EBF2: variants seen among roughly 807,000 people sequenced by gnomAD.
The protein encoded by EBF2 is transcription factor COE2.
Under a neutral mutation model 72.8 loss-of-function variants are expected in EBF2, and 21 were observed. The observed-to-expected ratio is 0.29, with a 90% CI of 0.20 to 0.42. The LOEUF (loss-of-function observed/expected upper bound fraction) is 0.42, where lower values mean the gene tolerates loss of function less well. Ranked by LOEUF, EBF2 falls within the 10% of genes least tolerant of loss-of-function variation. The probability of loss-of-function intolerance (pLI) is 1.00; values close to 1 mark genes in which losing one functional copy is unlikely to be tolerated. For missense variants in EBF2, 637 were observed against 731.2 expected (o/e 0.87, Z 1.49); for synonymous variants, 299 against 274.2 (o/e 1.09, Z -0.89).
intron 7 of EBF2, among the ~76,000 whole-genome samples, chr8:25,899,774 A>G (rs901063379): frequency 6.6e-6 from 1 of 152,126 alleles, no homozygotes; most frequent in African/African-American, 2.4e-5. Context: ...TGTCAGAGCC[A>G]TTCATTTGCC....
intron 10 of EBF2, among the ~76,000 whole-genome samples, chr8:25,868,910 T>G (rs1802382183): frequency 6.6e-6 from 1 of 152,188 alleles, no homozygotes; most frequent in South Asian, 2.1e-4. Flanking sequence ...CACCTCTTTC[T>G]CTCCACTTAT....
At chr8:25,946,046 T>A (rs1199074090) in intron 6 of EBF2, among the ~76,000 whole-genome samples, 1 of 152,188 alleles carries the variant, frequency 6.6e-6, no homozygotes, top group East Asian at 1.9e-4. Flanking sequence ...TACAGCCACT[T>A]CTCTCACTGC....
chr8:25,857,083 G>T (rs1210198470), intron 14 of EBF2, among the ~76,000 whole-genome samples: 1 of 151,934 alleles, frequency 6.6e-6, no homozygotes, highest in African/African-American at 2.4e-5. Context: ...ACCTACTATG[G>T]GGTAGAAACA....
At chr8:25,905,168 G>A (rs543446220) in intron 7 of EBF2, among the ~76,000 whole-genome samples, 1 of 152,220 alleles carries the variant, frequency 6.6e-6, no homozygotes, top group South Asian at 2.1e-4. Flanking sequence ...CCCATAGGAT[G>A]ACTAGAATTT....
chr8:25,969,952 C>A (rs1324335549), intron 6 of EBF2, among the ~76,000 whole-genome samples: 1 of 152,158 alleles, frequency 6.6e-6, no homozygotes, highest in Non-Finnish European at 1.5e-5. Context: ...TGATGCATGG[C>A]AAATGTTAGC....
Position 26,023,424 on chromosome 8 carries a change from G to A in EBF2, c.551+9661C>T, listed in dbSNP as rs148636194. On this transcript the variant is annotated intron_variant, in intron 6 of 15. Coordinates refer to ENST00000520164, the MANE Select transcript of EBF2 (RefSeq NM_022659.4). ...ACACAATTTCATAAGGAAGAAGCTG[G>A]AAGTTGAAGCATGGCATCATCTGTT... 2.0e-5 allele frequency among the ~76,000 whole-genome samples: 3 copies of A among 152,260 alleles called. No homozygotes were observed. In the East Asian group the frequency reaches 5.8e-4, roughly 29 times the overall value.
intron 6 of EBF2, among the ~76,000 whole-genome samples, chr8:25,984,887 AT>A (rs1804422361): frequency 2.0e-5 from 3 of 151,272 alleles, no homozygotes; most frequent in Admixed American, 2.0e-4. Context: ...AAAGATTTTT[AT>A]CCACCCACCT....
intron 6 of EBF2, among the ~76,000 whole-genome samples, chr8:25,951,029 C>T (rs531226137): frequency 6.6e-6 from 1 of 152,156 alleles, no homozygotes; most frequent in Non-Finnish European, 1.5e-5. Context: ...CTCTGTATAG[C>T]TTTCTCCCCA....
chr8:25,922,020 G>T (rs1028190157), intron 6 of EBF2, among the ~76,000 whole-genome samples: 1 of 152,132 alleles, frequency 6.6e-6, no homozygotes, highest in Non-Finnish European at 1.5e-5. Context: ...CAAAAATGGA[G>T]GCTAGGCATG....
Position 26,004,753 on chromosome 8 carries a change from C to T in EBF2, c.551+28332G>A, listed in dbSNP as rs141426397. Among the ~76,000 whole-genome samples the T allele has an allele frequency of 3.6e-3, 546 of 150,590 alleles. 5 individuals carry two copies. The highest frequency in any genetic ancestry group is 0.012 in the African/African-American group (482 of 40,976). ...ATAATGCTGTCTATAAAAACAATTC[C>T]GTGACCAAAATTAATCATATCATTT... On this transcript the variant is annotated intron_variant, in intron 6 of 15. Transcript: ENST00000520164.
chr8:25,924,375 C>T lies in EBF2; in HGVS notation c.552-15820G>A, dbSNP rs148643528. ...GTCTTCCTACTCAGTAAAAGTGATC[C>T]TCCCCAGAGCTCAGGCAAGTGACCC... On this transcript the variant is annotated intron_variant, in intron 6 of 15. Transcript: ENST00000520164. 2.6e-3 allele frequency among the ~76,000 whole-genome samples: 390 copies of T among 152,290 alleles called. 2 individuals carry two copies. The highest frequency in any genetic ancestry group is 9.0e-3 in the African/African-American group (376 of 41,556).
intron 10 of EBF2, among the ~76,000 whole-genome samples, chr8:25,865,726 T>G (rs117350535): frequency 0.014 from 2,094 of 148,748 alleles, 109 homozygotes; most frequent in Admixed American, 0.092. Context: ...GCACCTGGCC[T>G]ATAAAAGATC....
chr8:25,999,072 G>A (rs1439365364), intron 6 of EBF2, among the ~76,000 whole-genome samples: 1 of 152,142 alleles, frequency 6.6e-6, no homozygotes, highest in African/African-American at 2.4e-5. Flanking sequence ...AGAAAATCAG[G>A]TTGATGTTAC....
chr8:25,888,128 A>C (rs1802722653), intron 8 of EBF2, among the ~76,000 whole-genome samples, 156 bp from the exon 9 acceptor site: 1 of 152,224 alleles, frequency 6.6e-6, no homozygotes, highest in Non-Finnish European at 1.5e-5. Flanking sequence ...AACAAACAAA[A>C]AAGGTCCATG....
At chr8:25,941,721 G>A (rs1014027757) in intron 6 of EBF2, among the ~76,000 whole-genome samples, 1 of 152,088 alleles carries the variant, frequency 6.6e-6, no homozygotes, top group African/African-American at 2.4e-5. Context: ...CTGGACCACT[G>A]GCTGCTGTCA....
At chr8:25,879,510 C>T (rs1487537393) in intron 10 of EBF2, among the ~76,000 whole-genome samples, 1 of 152,024 alleles carries the variant, frequency 6.6e-6, no homozygotes, top group Non-Finnish European at 1.5e-5. Context: ...TGACACCTAC[C>T]CATCTCCTTA....
At chr8:25,939,593 A>G (rs1376114965) in intron 6 of EBF2, among the ~76,000 whole-genome samples, 3 of 152,244 alleles carry the variant, frequency 2.0e-5, no homozygotes, top group Admixed American at 1.3e-4. Context: ...GCTTCTCTGC[A>G]TAAGTTCAGA....
chr8:25,936,023 C>T (rs1224448279), intron 6 of EBF2, among the ~76,000 whole-genome samples: 2 of 152,086 alleles, frequency 1.3e-5, no homozygotes, highest in African/African-American at 2.4e-5. Flanking sequence ...GAAACTTCTG[C>T]GCATTAGGAG....
At chr8:25,946,180 T>C (rs1045267455) in intron 6 of EBF2, among the ~76,000 whole-genome samples, 54 of 152,368 alleles carry the variant, frequency 3.5e-4, no homozygotes, top group Non-Finnish European at 3.2e-4. Context: ...TATGCCTTTC[T>C]CATCAATCAC....
Sources: gnomAD v4.1 joint callset for allele counts (sites outside exome capture counted in the v4.1 genomes callset) on GRCh38, gnomAD v4.1.1 for gene constraint, MANE v1.5 for transcripts, NCBI Gene and HGNC (gene_info 2026-07-23, HGNC 2026-07-21) for gene names.